The following NLRP1 variants were observed in gnomAD, a reference collection of about 807,000 sequenced individuals.
NLRP1 encodes the protein NLR family pyrin domain containing 1.
A neutral mutation model predicts 136.7 loss-of-function variants in NLRP1; 94 were observed. The ratio of observed to expected loss-of-function variants is 0.69; its 90% confidence interval spans 0.58 to 0.82. The LOEUF is 0.82. Ranked by LOEUF, NLRP1 falls within the 40% of genes least tolerant of loss-of-function variation. NLRP1 has a pLI of 0.00. For missense variants in NLRP1, 1,575 were observed against 1,802.7 expected (o/e 0.87, Z 2.29); for synonymous variants, 690 against 725.1 (o/e 0.95, Z 0.78).
chr17:5,511,290 G>A (rs1307964391), downstream of NLRP1, among the ~76,000 whole-genome samples: 1 of 152,026 alleles, frequency 6.6e-6, no homozygotes, highest in African/African-American at 2.4e-5. Context: ...AATTTATCCG[G>A]GTGTGGTGGT....
At chr17:5,560,558 C>A (rs1007612160) in intron 3 of NLRP1, among the ~76,000 whole-genome samples, 1 of 148,778 alleles carries the variant, frequency 6.7e-6, no homozygotes, top group African/African-American at 2.4e-5. Context: ...AGGGCTCTTT[C>A]TCTGCCTGTA....
intron 3 of NLRP1, among the ~76,000 whole-genome samples, chr17:5,580,894 A>G (rs903699617): frequency 6.6e-5 from 10 of 152,190 alleles, no homozygotes; most frequent in Non-Finnish European, 1.0e-4. Context: ...TCGAATGTTG[A>G]TCTTTCCTTA....
chr17:5,519,848 CTTTTTTTTTTTTTT>C (rs755028729), intron 14 of NLRP1, among the ~76,000 whole-genome samples: 1 of 90,266 alleles, frequency 1.1e-5, no homozygotes, highest in African/African-American at 4.4e-5. Context: ...TAAATCAGGT[CTTTTTTTTTTTTTT>C]TTTTTTTTTT....
intron 3 of NLRP1, among the ~76,000 whole-genome samples, chr17:5,570,361 G>A (rs1915740070): frequency 7.4e-6 from 1 of 134,822 alleles, no homozygotes; most frequent in Non-Finnish European, 1.6e-5. Context: ...TAGACCACTA[G>A]CTAGACTAAT....
At chr17:5,519,214 G>A (rs1908555229) in intron 14 of NLRP1, among the ~76,000 whole-genome samples, 1 of 151,990 alleles carries the variant, frequency 6.6e-6, no homozygotes, top group South Asian at 2.1e-4. Context: ...GTGTTAGCCA[G>A]GATGGTCTCG....
chr17:5,513,948 G>C (rs190245848), downstream of NLRP1, among the ~76,000 whole-genome samples: 1 of 152,290 alleles, frequency 6.6e-6, no homozygotes, highest in Admixed American at 6.5e-5. Flanking sequence ...CGCCATGGCA[G>C]CATCTGGAAG....
chr17:5,542,633 A>G (rs1022397021), intron 5 of NLRP1, among the ~76,000 whole-genome samples: 1 of 152,012 alleles, frequency 6.6e-6, no homozygotes, highest in South Asian at 2.1e-4. Context: ...CACTCACAAT[A>G]TATTTTACTT....
intron 3 of NLRP1, among the ~76,000 whole-genome samples, chr17:5,571,513 A>G (rs768496446): frequency 6.6e-6 from 1 of 152,194 alleles, no homozygotes; most frequent in Non-Finnish European, 1.5e-5. Flanking sequence ...AATAGCCACA[A>G]AAAAGTACCT....
chr17:5,512,588 G>A (rs1907714541), downstream of NLRP1: 2 of 508,976 alleles, frequency 3.9e-6, no homozygotes, highest in South Asian at 4.2e-5. Flanking sequence ...GAGATGGGTG[G>A]GTGGGGCGTG....
intron 14 of NLRP1, among the ~76,000 whole-genome samples, chr17:5,520,195 AG>A (rs1908723744): frequency 6.6e-6 from 1 of 152,136 alleles, no homozygotes; most frequent in African/African-American, 2.4e-5. Flanking sequence ...GACCCTCAAA[AG>A]CTTGCCATTG....
chr17:5,548,549 C>T (rs778367495), intron 5 of NLRP1, among the ~76,000 whole-genome samples: 8 of 152,230 alleles, frequency 5.3e-5, no homozygotes, highest in Non-Finnish European at 1.0e-4. Context: ...ACCATCCCCT[C>T]TGCTTTAGTG....
downstream of NLRP1, among the ~76,000 whole-genome samples, chr17:5,511,132 A>G (rs190326451): frequency 6.6e-6 from 1 of 152,230 alleles, no homozygotes; most frequent in East Asian, 1.9e-4. Flanking sequence ...AGCTGTTGCT[A>G]TTAGAATCCA....
Position 5,559,866 on chromosome 17 carries a change from T to C in NLRP1, c.830A>G (p.Lys277Arg). Residue 277 changes from lysine to arginine, a missense_variant, in exon 4 of 17, where the codon AAA becomes AGA. By Grantham distance (26) the Lys-to-Arg change is conservative (BLOSUM62 2). Coordinates refer to ENST00000572272, the MANE Select transcript of NLRP1 (RefSeq NM_033004.4). ...WPWKNEDFNQ[K>R]FTQLLLLQRP... ...TTGTAGAAGTAGCAGCTGTGTGAAT[T>C]TTTGGTTAAAATCCTCATTTTTCCA... 1 of 1,614,206 alleles carries C rather than the reference T, an allele frequency of 6.2e-7. No individual in the cohort carries two copies. The highest frequency in any genetic ancestry group is 8.5e-7 in the Non-Finnish European group (1 of 1,180,022).
At chr17:5,561,667 T>A (rs1914772542) in intron 3 of NLRP1, among the ~76,000 whole-genome samples, 1 of 44,206 alleles carries the variant, frequency 2.3e-5, no homozygotes, top group Non-Finnish European at 5.3e-5. Context: ...ATGGTCTCGA[T>A]CTCCTGACCT....
At position 5,530,621 on chromosome 17, in the gene NLRP1, A is replaced by G. The variant is rs767399891; in HGVS notation, c.3380T>C (p.Ile1127Thr). ...GAACTGGTCCCACACACAGAATTCA[A>G]TCTCAACGGTCACCGCTTCTCTCAT... ...FVMREAVTVE[I>T]EFCVWDQFLG... The change falls in exon 12 of 17, where the codon ATT (isoleucine) becomes ACT (threonine). Residue 1127 changes from isoleucine (I) to threonine (T), a missense_variant. Ile to Thr is a moderately conservative substitution (Grantham distance 89). Transcript: ENST00000572272. 6.2e-7 allele frequency: 1 copy of G among 1,614,138 alleles called. No homozygotes were observed. Among genetic ancestry groups the G allele is most frequent in the African/African-American group, 1.3e-5 (1 of 75,006 alleles).
chr17:5,515,863 A>T (rs921468452), intron 15 of NLRP1, among the ~76,000 whole-genome samples: 1 of 151,994 alleles, frequency 6.6e-6, no homozygotes, highest in Non-Finnish European at 1.5e-5. Context: ...ACCCCTTGCT[A>T]GATAGCTTGA....
intron 4 of NLRP1, among the ~76,000 whole-genome samples, chr17:5,556,342 T>A (rs1475499827): frequency 2.0e-5 from 3 of 151,772 alleles, no homozygotes; most frequent in Non-Finnish European, 2.9e-5. Context: ...TAGTCTCAGC[T>A]CCTAGCGGGG....
chr17:5,560,946 G>A (rs1212549372), intron 3 of NLRP1, among the ~76,000 whole-genome samples: 1 of 152,204 alleles, frequency 6.6e-6, no homozygotes, highest in East Asian at 1.9e-4. Flanking sequence ...GGGACCTCAG[G>A]CTCCTATCTT....
At chr17:5,547,262 T>C (rs529938162) in intron 5 of NLRP1, among the ~76,000 whole-genome samples, 2 of 152,202 alleles carry the variant, frequency 1.3e-5, no homozygotes, top group East Asian at 3.9e-4. Flanking sequence ...ACAGCATACA[T>C]AACCCTAAAT....
Sources: gnomAD v4.1 joint callset for allele counts (sites outside exome capture counted in the v4.1 genomes callset) on GRCh38, gnomAD v4.1.1 for gene constraint, MANE v1.5 for transcripts, NCBI Gene and HGNC (gene_info 2026-07-23, HGNC 2026-07-21) for gene names.